TDP2: variants seen among roughly 807,000 people sequenced by gnomAD.
TDP2 encodes the protein tyrosyl-DNA phosphodiesterase 2.
Under a neutral mutation model 42.8 loss-of-function variants are expected in TDP2, and 38 were observed. The observed-to-expected ratio is 0.89, with a 90% CI of 0.68 to 1.16. The LOEUF is 1.16. TDP2 is among the 50% of genes most tolerant of loss of function. The pLI is 0.00. For missense variants in TDP2, 439 were observed against 439.3 expected (o/e 1.00, Z 0.01); for synonymous variants, 173 against 150.6 (o/e 1.15, Z -1.09).
At chr6:24,657,254 C>G (rs3212233) in intron 4 of TDP2, among the ~76,000 whole-genome samples, 116,642 of 152,096 alleles carry the variant, frequency 0.77, 45,460 homozygotes, top group African/African-American at 0.91. Flanking sequence ...CTGCAGAGCA[C>G]ACTGAGGAAA....
rs1289521315 is a variant in TDP2, at chr6:24,658,730, C to CCT, written c.255_256insAG (p.Asp86ArgfsTer3). On this transcript the variant is annotated frameshift_variant, in exon 3 of 7. Coordinates refer to ENST00000378198, the MANE Select transcript of TDP2 (RefSeq NM_016614.3). LOFTEE classifies it high-confidence loss of function. ...TCAGTTGTTTCTTCATTGGTTAGGT[C>CCT]AACACTGGCAAGATCAGAATAAAAC... 6 of 1,611,392 alleles carry CCT rather than the reference C, an allele frequency of 3.7e-6. No individual in the cohort carries two copies. The highest frequency in any genetic ancestry group is 5.1e-6 in the Non-Finnish European group (6 of 1,178,934).
At chr6:24,651,460 CA>C (rs1166854425) in intron 6 of TDP2, among the ~76,000 whole-genome samples, 10 of 152,242 alleles carry the variant, frequency 6.6e-5, no homozygotes, top group Non-Finnish European at 1.2e-4. Flanking sequence ...TCATATGATC[CA>C]AAAATTTCAA....
chr6:24,651,145 GT>G, intron 6 of TDP2, 76 bp from the exon 7 acceptor site: 1 of 1,117,326 alleles, frequency 8.9e-7, no homozygotes, highest in Non-Finnish European at 1.3e-6. Flanking sequence ...AAAAAAAGGT[GT>G]TTTTGCTATT....
chr6:24,650,655 C>G lies in TDP2; in HGVS notation c.*133G>C. On this transcript the variant is annotated 3_prime_UTR_variant, in exon 7 of 7. Transcript: ENST00000378198. ...TCTTTAATGTTGAATTCTGAAAACA[C>G]AACCATAAATCATAGTTGGTTTTTC... is the stretch of plus-strand genomic sequence containing the variant. 1.2e-6 allele frequency: 1 copy of G among 846,826 alleles called. No homozygotes were observed. Among genetic ancestry groups the G allele is most frequent in the Non-Finnish European group, 1.8e-6 (1 of 555,072 alleles). 52.5% of individuals were successfully genotyped at this position (846,826 alleles called of 1,614,324 possible). A position where few individuals can be genotyped will look rare whatever the true frequency, so the allele number is the denominator to read the frequency against.
At chr6:24,663,728 G>C (rs1458012610) in intron 2 of TDP2, among the ~76,000 whole-genome samples, 3 of 152,266 alleles carry the variant, frequency 2.0e-5, no homozygotes, top group Middle Eastern at 3.4e-3. Flanking sequence ...TGCCATGATT[G>C]AAATCTTCCT....
intron 2 of TDP2, 90 bp from the exon 3 acceptor site, chr6:24,658,824 A>G: frequency 1.5e-6 from 2 of 1,378,358 alleles, no homozygotes; most frequent in Non-Finnish European, 2.0e-6. Context: ...TTTTACAGAC[A>G]AATTTTAAAA....
intron 4 of TDP2, among the ~76,000 whole-genome samples, 200 bp downstream of exon 4, chr6:24,657,611 AT>A (rs1582422285): frequency 6.7e-6 from 1 of 148,938 alleles, no homozygotes; most frequent in East Asian, 2.0e-4. Flanking sequence ...AAAATCATCC[AT>A]TTCCTTTTCA....
intron 2 of TDP2, 171 bp downstream of exon 2, chr6:24,666,355 G>C (rs1206943397): frequency 1.4e-6 from 2 of 1,437,982 alleles, no homozygotes; most frequent in East Asian, 2.3e-5. Flanking sequence ...CGCTGCTGGG[G>C]CGCAACTCCG....
intron 1 of TDP2, 39 bp from the exon 2 acceptor site, chr6:24,666,650 C>T: frequency 6.2e-7 from 1 of 1,614,126 alleles, no homozygotes; most frequent in Non-Finnish European, 8.5e-7. Flanking sequence ...TTTGTGCGCT[C>T]CACCGACCTA....
At chr6:24,664,947 G>A (rs1355294533) in intron 2 of TDP2, among the ~76,000 whole-genome samples, 1 of 152,124 alleles carries the variant, frequency 6.6e-6, no homozygotes, top group African/African-American at 2.4e-5. Flanking sequence ...TTTTCTGAGG[G>A]CCTATTACAG....
intron 2 of TDP2, among the ~76,000 whole-genome samples, chr6:24,664,338 A>C (rs1266113880): frequency 6.6e-6 from 1 of 151,860 alleles, no homozygotes; most frequent in African/African-American, 2.4e-5. Flanking sequence ...AATAAAAAAA[A>C]AAAAAAAAGC....
At chr6:24,658,776 T>C in intron 2 of TDP2, 42 bp from the exon 3 acceptor site, 1 of 1,556,914 alleles carries the variant, frequency 6.4e-7, no homozygotes. Context: ...AAATAATCTA[T>C]AAATTGATTA....
At chr6:24,658,036 G>C (rs1233664591) in intron 3 of TDP2, 133 bp from the exon 4 acceptor site, 1 of 550,198 alleles carries the variant, frequency 1.8e-6, no homozygotes, top group Admixed American at 4.0e-5. Flanking sequence ...TGTTTATGCT[G>C]ATCTTTGATA....
In TDP2 at chr6:24,658,613, C is replaced by T. The variant is rs765648402; in HGVS notation, c.373G>A (p.Asp125Asn). The T allele has an allele frequency of 3.7e-6, 6 of 1,613,808 alleles. No homozygotes were observed. The African/African-American group carries it at 6.7e-5, about 18-fold the overall frequency. Residue 125 changes from aspartate to asparagine, a missense_variant, in exon 3 of 7, where the codon GAT becomes AAT. By Grantham distance (23) the Asp-to-Asn change is conservative. Transcript: ENST00000378198. ...SLITWNIDGL[D>N]LNNLSERARG... ...GCCCTCTCTGACAGATTGTTTAGAT[C>T]TAATCCATCAATATTCCAGGTAATG... is the stretch of plus-strand genomic sequence containing the variant.
At chr6:24,659,121 G>A in intron 2 of TDP2, 1 of 161,422 alleles carries the variant, frequency 6.2e-6, no homozygotes. Flanking sequence ...CACCCCGACA[G>A]GAACCGAATC....
chr6:24,657,300 C>A (rs1778074376), intron 4 of TDP2, among the ~76,000 whole-genome samples: 1 of 152,102 alleles, frequency 6.6e-6, no homozygotes, highest in Non-Finnish European at 1.5e-5. Context: ...CATTGAGGAA[C>A]CCTAGAACCA....
chr6:24,657,675 CTG>C (rs1432982674), intron 4 of TDP2, 135 bp downstream of exon 4: 7 of 416,702 alleles, frequency 1.7e-5, no homozygotes, highest in Admixed American at 1.4e-4. Context: ...TTGTAGTATT[CTG>C]TGTCTTGCTT....
At chr6:24,652,247 C>T (rs945791995) in intron 6 of TDP2, among the ~76,000 whole-genome samples, 1 of 152,160 alleles carries the variant, frequency 6.6e-6, no homozygotes, top group African/African-American at 2.4e-5. Flanking sequence ...ACATATAGCA[C>T]ATTTTGTTTA....
At chr6:24,666,403 C>T (rs1420115917) in intron 2 of TDP2, 123 bp downstream of exon 2, 3 of 1,424,780 alleles carry the variant, frequency 2.1e-6, no homozygotes, top group African/African-American at 2.8e-5. Context: ...CCTCTGGCTA[C>T]GCAGCTTGGA....
Sources: allele counts gnomAD v4.1 joint callset (sites outside exome capture counted in the v4.1 genomes callset), GRCh38; gene constraint gnomAD v4.1.1; transcripts MANE v1.5; gene names NCBI Gene and HGNC (gene_info 2026-07-23, HGNC 2026-07-21).